Variants in CHL1 observed in about 807,000 individuals in gnomAD.
CHL1 encodes neural cell adhesion molecule L1-like protein.
Under a neutral mutation model 141.9 loss-of-function variants are expected in CHL1, and 96 were observed. That is an observed-to-expected ratio of 0.68 (90% CI 0.57 to 0.80). The LOEUF is 0.80. CHL1 is among the 30% of genes least tolerant of loss of function. The probability of loss-of-function intolerance (pLI) is 0.00; values close to 1 mark genes in which losing one functional copy is unlikely to be tolerated. For missense variants in CHL1, 1,820 were observed against 1,457.2 expected, an observed-to-expected ratio of 1.25 and a Z score of -4.05; for synonymous variants, 613 against 502.2, an observed-to-expected ratio of 1.22 and a Z score of -2.95.
At chr3:287,777 T>G (rs1037648014) in intron 2 of CHL1, among the ~76,000 whole-genome samples, 1 of 152,092 alleles carries the variant, frequency 6.6e-6, no homozygotes, top group Non-Finnish European at 1.5e-5. Context: ...TTTTTGTTTT[T>G]TTTTTTGAGA....
In CHL1 at chr3:409,407, T is replaced by A. The variant is rs917551817; in HGVS notation, c.*3696T>A. On this transcript the variant is annotated 3_prime_UTR_variant, in exon 28 of 28. Transcript: ENST00000256509. Reference sequence around the variant, plus strand: ...TTCCAAATAAAAGTTCTACTTCATGTAATCCAAAAATGTTTGTATTCTGTT... The same window carrying A: ...TTCCAAATAAAAGTTCTACTTCATGAAATCCAAAAATGTTTGTATTCTGTT... 1 of 152,108 alleles carries A rather than the reference T, an allele frequency of 6.6e-6. No homozygotes were observed. The highest frequency in any genetic ancestry group is 1.9e-4 in the East Asian group (1 of 5,198). The allele number at this position is 152,108 out of a possible 1,614,324, so 9.4% of individuals were successfully genotyped here.
chr3:368,718 T>C (rs1705221477), intron 15 of CHL1, among the ~76,000 whole-genome samples: 1 of 152,182 alleles, frequency 6.6e-6, no homozygotes, highest in Non-Finnish European at 1.5e-5. Context: ...GGGTTTTTAA[T>C]GGTTTTGGGT....
At chr3:345,128 C>T (rs1702655488) in intron 9 of CHL1, among the ~76,000 whole-genome samples, 1 of 152,168 alleles carries the variant, frequency 6.6e-6, no homozygotes, top group Admixed American at 6.5e-5. Context: ...ATCTCTCTGT[C>T]AATTTATGAT....
At chr3:380,038 A>G (rs1706840003) in intron 16 of CHL1, among the ~76,000 whole-genome samples, 1 of 152,162 alleles carries the variant, frequency 6.6e-6, no homozygotes, top group Admixed American at 6.5e-5. Context: ...TTGCAAGTTC[A>G]TCAGTTCTAG....
At chr3:221,996 AAAGT>A (rs1700886045) in intron 1 of CHL1, among the ~76,000 whole-genome samples, 1 of 152,238 alleles carries the variant, frequency 6.6e-6, no homozygotes, top group South Asian at 2.1e-4. Flanking sequence ...ATCTCCTTAC[AAAGT>A]AATTAGAATA....
intron 6 of CHL1, 138 bp downstream of exon 6, chr3:341,054 A>C: frequency 4.6e-6 from 4 of 861,030 alleles, no homozygotes; most frequent in Non-Finnish European, 7.1e-6. Flanking sequence ...GATGCTACTA[A>C]TATGATAAGA....
chr3:381,573 G>C (rs896971201), intron 16 of CHL1, among the ~76,000 whole-genome samples: 4 of 152,214 alleles, frequency 2.6e-5, no homozygotes. Context: ...CTAAAAGGGT[G>C]AGGTATCTTG....
In CHL1 at chr3:408,923, AT is replaced by A. The variant is rs1036397422; in HGVS notation, c.*3219del. On this transcript the variant is annotated 3_prime_UTR_variant, in exon 28 of 28. Coordinates refer to ENST00000256509, the MANE Select transcript of CHL1 (RefSeq NM_006614.4). ...AATTATGCTGGAAGTCTCAAATAAT[AT>A]TTTTTTCCTATTTTATACTCATGGA... 2.6e-5 allele frequency: 4 copies of A among 151,992 alleles called. No homozygotes were observed. Among genetic ancestry groups the A allele is most frequent in the Non-Finnish European group, 5.9e-5 (4 of 67,964 alleles). The allele number at this position is 151,992 out of a possible 1,614,324, so 9.4% of individuals were successfully genotyped here. A position where few individuals can be genotyped will look rare whatever the true frequency, so the allele number is the denominator to read the frequency against.
At chr3:292,636 TA>T (rs1290882374) in intron 2 of CHL1, among the ~76,000 whole-genome samples, 1 of 152,180 alleles carries the variant, frequency 6.6e-6, no homozygotes, top group Admixed American at 6.5e-5. Context: ...TAGTAATTTA[TA>T]AAGAAAAGAG....
chr3:354,957 C>T (rs1325216231), intron 11 of CHL1, among the ~76,000 whole-genome samples, 186 bp downstream of exon 11: 1 of 151,928 alleles, frequency 6.6e-6, no homozygotes, highest in Non-Finnish European at 1.5e-5. Flanking sequence ...ATGGAAGAGC[C>T]ATAAATAATA....
chr3:255,227 T>C (rs943904434), intron 2 of CHL1, among the ~76,000 whole-genome samples: 5 of 152,240 alleles, frequency 3.3e-5, no homozygotes, highest in African/African-American at 9.6e-5. Context: ...GTTAGAGTTG[T>C]TATGCAGTTA....
intron 7 of CHL1, 68 bp from the exon 8 acceptor site, chr3:342,916 T>C (rs1702451188): frequency 7.6e-7 from 1 of 1,310,198 alleles, no homozygotes; most frequent in South Asian, 1.4e-5. Flanking sequence ...AATATGACTT[T>C]TCATTCTTTA....
chr3:247,494 A>G (rs1454946806), intron 2 of CHL1: 5 of 151,976 alleles, frequency 3.3e-5, no homozygotes, highest in Admixed American at 3.3e-4. Flanking sequence ...GGCATATTAG[A>G]CGCTTTGTAA....
At chr3:291,313 C>A (rs1287875221) in intron 2 of CHL1, among the ~76,000 whole-genome samples, 1 of 152,014 alleles carries the variant, frequency 6.6e-6, no homozygotes, top group Non-Finnish European at 1.5e-5. Flanking sequence ...TACTATATTT[C>A]CTTATTATTG....
intron 16 of CHL1, among the ~76,000 whole-genome samples, chr3:381,794 T>C (rs114499696): frequency 6.6e-6 from 1 of 152,088 alleles, no homozygotes; most frequent in Non-Finnish European, 1.5e-5. Context: ...TCCCCTTATC[T>C]GAGGTCTCCA....
intron 2 of CHL1, among the ~76,000 whole-genome samples, chr3:293,040 T>C (rs75914151): frequency 0.013 from 2,010 of 152,368 alleles, 105 homozygotes; most frequent in Admixed American, 0.1. Flanking sequence ...CAGTAACTCA[T>C]GATTTTTACA....
chr3:298,796 G>C (rs567741609), intron 2 of CHL1, among the ~76,000 whole-genome samples: 108 of 152,256 alleles, frequency 7.1e-4, no homozygotes, highest in African/African-American at 2.6e-3. Context: ...TGGTGATATG[G>C]ATACAGAGAT....
chr3:263,756 C>T (rs1694929299), intron 2 of CHL1, among the ~76,000 whole-genome samples: 1 of 152,202 alleles, frequency 6.6e-6, no homozygotes, highest in African/African-American at 2.4e-5. Context: ...TCTTCGAACT[C>T]AGAGAACATT....
intron 3 of CHL1, among the ~76,000 whole-genome samples, chr3:323,493 G>T (rs73814815): frequency 0.014 from 2,113 of 152,048 alleles, 49 homozygotes; most frequent in African/African-American, 0.048. Context: ...ATGGTTTAAT[G>T]GTACACAGTA....
Sources: allele counts gnomAD v4.1 joint callset (sites outside exome capture counted in the v4.1 genomes callset), GRCh38; gene constraint gnomAD v4.1.1; transcripts MANE v1.5; gene names NCBI Gene and HGNC (gene_info 2026-07-23, HGNC 2026-07-21).